SCUBE1: variants seen among roughly 807,000 people sequenced by gnomAD.
SCUBE1 encodes signal peptide, CUB domain and EGF like domain containing 1.
A neutral mutation model predicts 124.4 loss-of-function variants in SCUBE1; 59 were observed. The observed-to-expected ratio is 0.47, with a 90% confidence interval of 0.38 to 0.59. SCUBE1 has a LOEUF of 0.59. SCUBE1 is among the 20% of genes least tolerant of loss of function. SCUBE1 has a pLI of 0.00. For missense variants in SCUBE1, 1,150 were observed against 1,371.2 expected, an observed-to-expected ratio of 0.84 and a Z score of 2.55; for synonymous variants, 545 against 550.9, an observed-to-expected ratio of 0.99 and a Z score of 0.15.
chr22:43,236,063 C>CTTGACA (rs1922749856), intron 7 of SCUBE1, among the ~76,000 whole-genome samples: 1 of 152,244 alleles, frequency 6.6e-6, no homozygotes, highest in Non-Finnish European at 1.5e-5. Context: ...ACTCCTCTTG[C>CTTGACA]TTGACATTGA....
At chr22:43,342,677 C>T (rs55941679) in intron 1 of SCUBE1, among the ~76,000 whole-genome samples, 13,656 of 151,918 alleles carry the variant, frequency 0.09, 931 homozygotes, top group East Asian at 0.36. Context: ...GTCTTTTCTC[C>T]GGGCTTCCTT....
intron 1 of SCUBE1, 147 bp from the exon 2 acceptor site, chr22:43,339,382 G>C: frequency 2.8e-6 from 2 of 724,764 alleles, no homozygotes; most frequent in Non-Finnish European, 4.5e-6. Context: ...GGACAATCTG[G>C]TGTGACAAGT....
intron 4 of SCUBE1, among the ~76,000 whole-genome samples, chr22:43,281,562 T>A (rs1246727982): frequency 1.5e-5 from 2 of 129,282 alleles, no homozygotes; most frequent in East Asian, 3.1e-4. Flanking sequence ...CACCTCCCCC[T>A]CAGCCACCCT....
intron 3 of SCUBE1, among the ~76,000 whole-genome samples, chr22:43,310,730 T>C (rs897098883): frequency 3.3e-5 from 5 of 152,278 alleles, no homozygotes; most frequent in South Asian, 2.1e-4. Context: ...GTAATAATTG[T>C]ACATATTTGT....
At chr22:43,209,317 C>A (rs1921437362) in intron 19 of SCUBE1, among the ~76,000 whole-genome samples, 1 of 152,176 alleles carries the variant, frequency 6.6e-6, no homozygotes, top group African/African-American at 2.4e-5. Context: ...AACACTCAGA[C>A]ATGGAGCTCG....
At chr22:43,205,170 C>T (rs113785151) in intron 21 of SCUBE1, among the ~76,000 whole-genome samples, 2,569 of 152,226 alleles carry the variant, frequency 0.017, 86 homozygotes, top group African/African-American at 0.059. Flanking sequence ...TGCCTCTTCC[C>T]GGGGCTGCGA....
chr22:43,326,078 T>C (rs1437209607), intron 2 of SCUBE1, among the ~76,000 whole-genome samples: 1 of 152,164 alleles, frequency 6.6e-6, no homozygotes, highest in Admixed American at 6.6e-5. Flanking sequence ...TATTTTAGGG[T>C]ATTTTCCTCA....
chr22:43,335,887 T>C (rs1466785341), intron 2 of SCUBE1, among the ~76,000 whole-genome samples: 2 of 146,438 alleles, frequency 1.4e-5, no homozygotes, highest in Non-Finnish European at 2.9e-5. Flanking sequence ...ATGGTGATGG[T>C]GATGTTGGTG....
At chr22:43,303,767 C>T (rs923540836) in intron 3 of SCUBE1, among the ~76,000 whole-genome samples, 1 of 152,246 alleles carries the variant, frequency 6.6e-6, no homozygotes, top group Admixed American at 6.5e-5. Flanking sequence ...ATAAGGAATT[C>T]TGAGAAACAG....
chr22:43,267,514 T>C (rs1924120201), intron 4 of SCUBE1, among the ~76,000 whole-genome samples: 1 of 152,156 alleles, frequency 6.6e-6, no homozygotes, highest in Non-Finnish European at 1.5e-5. Flanking sequence ...CAGCACATGA[T>C]AAAGGCTCTG....
intron 14 of SCUBE1, 92 bp downstream of exon 14, chr22:43,220,358 C>T: frequency 7.0e-7 from 1 of 1,437,898 alleles, no homozygotes; most frequent in Non-Finnish European, 9.6e-7. Flanking sequence ...TGGTGGGAGC[C>T]TAGCTTCATG....
rs1371741241 is a variant in SCUBE1 at position 43,255,948 on chromosome 22, G to A, written c.727+2271C>T. Among the ~76,000 whole-genome samples the A allele has an allele frequency of 6.6e-6, 1 of 152,162 alleles. No homozygotes were observed. The highest frequency in any genetic ancestry group is 1.5e-5 in the Non-Finnish European group (1 of 68,024). On this transcript the variant is annotated intron_variant, in intron 6 of 21. Transcript: ENST00000360835. The surrounding 1 kb of genome is among the most constrained non-coding windows in gnomAD (Gnocchi z 4.7). The stretch of plus-strand genomic sequence containing the variant: ...AGAAAGCACCACCATGGTGCTTTAC[G>A]GAGACACAAGTGATTACAGACCCCC...
At chr22:43,307,500 C>G (rs910206982) in intron 3 of SCUBE1, among the ~76,000 whole-genome samples, 1 of 152,182 alleles carries the variant, frequency 6.6e-6, no homozygotes, top group African/African-American at 2.4e-5. Context: ...AAGGAGGACA[C>G]GGAAAAGAGC....
chr22:43,330,402 C>T (rs1292789997), intron 2 of SCUBE1, among the ~76,000 whole-genome samples: 1 of 152,196 alleles, frequency 6.6e-6, no homozygotes, highest in South Asian at 2.1e-4. Flanking sequence ...AATTTCTTCC[C>T]CTCCTCAGGC....
In SCUBE1 at chr22:43,258,408, G is replaced by A. The variant is rs370354102; in HGVS notation, c.611-73C>T. ...AAACGGTTAGTTTGCCGGTGTTGGC[G>A]GCTGCCTTCAGGGTATGGGGAAACT... On this transcript the variant is annotated intron_variant, in intron 5 of 21. Coordinates refer to ENST00000360835, the MANE Select transcript of SCUBE1 (RefSeq NM_173050.5). This position sits in a 1 kb window ranked among gnomAD's most constrained non-coding sequence, Gnocchi z 5.0. 1.9e-4 allele frequency: 226 copies of A among 1,165,074 alleles called. No homozygotes were observed. The East Asian group carries it at 3.5e-3, about 18-fold the overall frequency. 72.2% of individuals were successfully genotyped at this position (1,165,074 alleles called of 1,614,324 possible). A position where few individuals can be genotyped will look rare whatever the true frequency, so the allele number is the denominator to read the frequency against.
intron 6 of SCUBE1, among the ~76,000 whole-genome samples, chr22:43,254,266 CAT>C (rs1923571864): frequency 6.6e-6 from 1 of 151,898 alleles, no homozygotes; most frequent in Non-Finnish European, 1.5e-5. Flanking sequence ...TCCTGTCTAG[CAT>C]GGACTTAGGG....
chr22:43,215,665 A>G (rs948802272), intron 15 of SCUBE1, among the ~76,000 whole-genome samples: 4 of 152,152 alleles, frequency 2.6e-5, no homozygotes, highest in African/African-American at 7.2e-5. Flanking sequence ...GAAAAACCAG[A>G]GGGAGCTCTG....
rs1925199056 is a variant in SCUBE1, at chr22:43,287,685, GA to G, written c.484+3360del. 3.9e-5 allele frequency among the ~76,000 whole-genome samples: 6 copies of G among 152,374 alleles called. No individual in the cohort carries two copies. In the South Asian group the frequency reaches 1.2e-3, roughly 32 times the overall value. ...CTCCAAAGAGCTGGACAGGCATGAG[GA>G]AGAGTCAGGTGATAGGGGGAATCTA... On this transcript the variant is annotated intron_variant, in intron 4 of 21. Coordinates refer to ENST00000360835, the MANE Select transcript of SCUBE1 (RefSeq NM_173050.5).
chr22:43,300,048 G>C (rs377392386), intron 3 of SCUBE1, among the ~76,000 whole-genome samples: 68 of 152,356 alleles, frequency 4.5e-4, no homozygotes, highest in African/African-American at 1.5e-3. Context: ...TCCGGGTTGT[G>C]CTGGCTTTGT....
Sources: gnomAD v4.1 joint callset for allele counts (sites outside exome capture counted in the v4.1 genomes callset) on GRCh38, gnomAD v4.1.1 for gene constraint, Gnocchi (gnomAD v3.1) non-coding constraint, MANE v1.5 for transcripts, NCBI Gene and HGNC (gene_info 2026-07-23, HGNC 2026-07-21) for gene names.